Variants in ZNF559 observed in about 807,000 individuals in gnomAD.
The protein encoded by ZNF559 is zinc finger protein 559.
A neutral mutation model predicts 14.2 loss-of-function variants in ZNF559; 17 were observed. That is an observed-to-expected ratio of 1.20 (90% CI 0.82 to 1.80). The LOEUF is 1.80. ZNF559 is among the 40% of genes most tolerant of loss of function. ZNF559 has a pLI of 0.00. For missense variants in ZNF559, 740 were observed against 629.7 expected (o/e 1.18, Z -1.88); for synonymous variants, 244 against 212.4 (o/e 1.15, Z -1.29).
intron 2 of ZNF559, among the ~76,000 whole-genome samples, chr19:9,329,439 C>T (rs1355414179): frequency 6.6e-6 from 1 of 152,100 alleles, no homozygotes. Context: ...TGTATATGTA[C>T]TTAAAACTTC....
Position 9,342,208 on chromosome 19 carries a change from T to A in ZNF559, c.757T>A (p.Ser253Thr), listed in dbSNP as rs1201217017. 1 of 1,595,890 alleles carries A rather than the reference T, an allele frequency of 6.3e-7. No homozygotes were observed. Among genetic ancestry groups the A allele is most frequent in the Non-Finnish European group, 8.5e-7 (1 of 1,174,198 alleles). The change falls in exon 7 of 7, where the codon TCG becomes ACG. Residue 253 changes from serine to threonine, a missense_variant. By Grantham distance (58) the Ser-to-Thr change is moderately conservative. Coordinates refer to ENST00000603380, the MANE Select transcript of ZNF559 (RefSeq NM_032497.3). ...CKACGKPFTE[S>T]SYLTQHLRTH... ...AGCATGTGGGAAACCCTTCACTGAG[T>A]CGTCATATCTTACTCAACATTTAAG...
intron 2 of ZNF559, among the ~76,000 whole-genome samples, chr19:9,325,997 A>G (rs1424775647): frequency 2.0e-5 from 3 of 152,038 alleles, no homozygotes; most frequent in Admixed American, 2.0e-4. Flanking sequence ...AAATCAAATC[A>G]GATTTCCCCA....
intron 2 of ZNF559, among the ~76,000 whole-genome samples, chr19:9,325,010 T>G (rs542514809): frequency 6.6e-6 from 1 of 152,210 alleles, no homozygotes; most frequent in Non-Finnish European, 1.5e-5. Context: ...TCTAGCGCCC[T>G]GTAGATTCCC....
At chr19:9,329,897 T>A (rs1486599398) in intron 2 of ZNF559, among the ~76,000 whole-genome samples, 1 of 152,146 alleles carries the variant, frequency 6.6e-6, no homozygotes, top group Non-Finnish European at 1.5e-5. Flanking sequence ...CTCCTAACCT[T>A]GGCATCTCCC....
At chr19:9,340,552 TTC>T (rs776761815) in intron 5 of ZNF559, among the ~76,000 whole-genome samples, 1 of 146,692 alleles carries the variant, frequency 6.8e-6, no homozygotes, top group Non-Finnish European at 1.5e-5. Context: ...TTTCTTTTTT[TTC>T]TCTCTCTGTC....
chr19:9,343,460 A>G lies in ZNF559; in HGVS notation c.*392A>G. The G allele has an allele frequency of 9.6e-7, 1 of 1,037,918 alleles. No individual in the cohort carries two copies. Among genetic ancestry groups the G allele is most frequent in the South Asian group, 3.6e-5 (1 of 27,402 alleles). The allele number at this position is 1,037,918 out of a possible 1,614,324, so 64.3% of individuals were successfully genotyped here. On this transcript the variant is annotated 3_prime_UTR_variant, in exon 7 of 7. Coordinates refer to ENST00000603380, the MANE Select transcript of ZNF559 (RefSeq NM_032497.3). ...TTGTGAGCACATTGGATATAAATGC[A>G]CGTCCTCTGGCTGTAAGGAATGTGT...
intron 2 of ZNF559, among the ~76,000 whole-genome samples, chr19:9,329,696 C>T (rs2066832515): frequency 6.6e-6 from 1 of 152,184 alleles, no homozygotes; most frequent in Non-Finnish European, 1.5e-5. Flanking sequence ...CAGAGTCTCA[C>T]TCTGTTGCCC....
intron 6 of ZNF559, 166 bp downstream of exon 6, chr19:9,341,350 ACT>A (rs55837495): frequency 0.55 from 423,679 of 769,426 alleles, 118,734 homozygotes; most frequent in Middle Eastern, 0.62. Flanking sequence ...TTTGACAAAC[ACT>A]CTAAACATCC....
chr19:9,339,219 T>G lies in ZNF559; in HGVS notation c.60T>G (p.Ala20=). Residue 20 remains alanine, a synonymous_variant, in exon 5 of 7, where the codon GCT becomes GCG. Coordinates refer to ENST00000603380, the MANE Select transcript of ZNF559 (RefSeq NM_032497.3). The part of the protein sequence containing the change: ...SQDSVTFEDV[A]VDFTQEEWTL... ...ACTCAGTGACCTTTGAGGATGTGGC[T>G]GTGGACTTCACCCAGGAGGAGTGGA... 1.9e-6 allele frequency: 3 copies of G among 1,614,026 alleles called. No homozygotes were observed. Among genetic ancestry groups the G allele is most frequent in the East Asian group, 2.2e-5 (1 of 44,862 alleles).
Position 9,324,690 on chromosome 19 carries a change from A to G in ZNF559, c.-205-5A>G, listed in dbSNP as rs1425144576. ...ACATCCAGCGTTGTGCCTTTTCTCT[A>G]TAAGGAACAGCATCTCTGCCTTCCT... On this transcript the variant is annotated splice_region_variant and splice_polypyrimidine_tract_variant and intron_variant, in intron 1 of 6. Coordinates refer to ENST00000603380, the MANE Select transcript of ZNF559 (RefSeq NM_032497.3). The G allele has an allele frequency of 2.0e-6, 3 of 1,525,146 alleles. No individual in the cohort carries two copies. Among genetic ancestry groups the G allele is most frequent in the African/African-American group, 1.4e-5 (1 of 70,064 alleles). The allele number at this position is 1,525,146 out of a possible 1,614,324, so 94.5% of individuals were successfully genotyped here. A position where few individuals can be genotyped will look rare whatever the true frequency, so the allele number is the denominator to read the frequency against.
At position 9,345,208 on chromosome 19, in the gene ZNF559, C is replaced by G. The variant is rs2067703053; in HGVS notation, c.*2140C>G. 6.6e-6 allele frequency: 1 copy of G among 152,188 alleles called. No homozygotes were observed. The highest frequency in any genetic ancestry group is 1.5e-5 in the Non-Finnish European group (1 of 68,040). The allele number at this position is 152,188 out of a possible 1,614,324, so 9.4% of individuals were successfully genotyped here. ...ATTCCATTGCAAGGCATACCACAAGCTATTTATCCATGTGTTATTTCTACC... is the reference window on the plus strand; with the variant it reads ...ATTCCATTGCAAGGCATACCACAAGGTATTTATCCATGTGTTATTTCTACC... On this transcript the variant is annotated 3_prime_UTR_variant, in exon 7 of 7. Coordinates refer to ENST00000603380, the MANE Select transcript of ZNF559 (RefSeq NM_032497.3).
chr19:9,338,211 G>C (rs571258678), intron 3 of ZNF559, among the ~76,000 whole-genome samples: 3 of 152,344 alleles, frequency 2.0e-5, no homozygotes, highest in African/African-American at 4.8e-5. Flanking sequence ...TTTTGTGGAA[G>C]AAGTTCTGCT....
At position 9,343,375 on chromosome 19, in the gene ZNF559, A is replaced by G. The variant is rs2067662838; in HGVS notation, c.*307A>G. On this transcript the variant is annotated 3_prime_UTR_variant, in exon 7 of 7. Transcript: ENST00000603380. ...CTGTTTGAACTCATGCTGGAGAGAA[A>G]TGCTATGAATGTGAGGAAGGTGGAA... is the stretch of plus-strand genomic sequence containing the variant. 8.9e-7 allele frequency: 1 copy of G among 1,128,092 alleles called. No homozygotes were observed. The highest frequency in any genetic ancestry group is 1.1e-6 in the Non-Finnish European group (1 of 918,612). 69.9% of individuals were successfully genotyped at this position (1,128,092 alleles called of 1,614,324 possible).
chr19:9,333,851 G>A (rs1435702246), intron 2 of ZNF559, among the ~76,000 whole-genome samples: 2 of 152,066 alleles, frequency 1.3e-5, no homozygotes, highest in Non-Finnish European at 2.9e-5. Context: ...GCTTGAGCAG[G>A]CTCTTCGCAA....
chr19:9,324,791 C>A lies in ZNF559; in HGVS notation c.-120+11C>A, dbSNP rs1286456280. On this transcript the variant is annotated intron_variant, in intron 2 of 6. Coordinates refer to ENST00000603380, the MANE Select transcript of ZNF559 (RefSeq NM_032497.3). ...TTCTGTCGTGTCCCGGTGAGCACTT[C>A]ATGCACTTGTTCTGGCTGTGGGTGT... 2 of 1,535,272 alleles carry A rather than the reference C, an allele frequency of 1.3e-6. No homozygotes were observed. The highest frequency in any genetic ancestry group is 1.7e-6 in the Non-Finnish European group (2 of 1,146,302).
Position 9,327,241 on chromosome 19 carries a change from G to GTT in ZNF559, c.-120+2469_-120+2470dup, listed in dbSNP as rs56108753. 1.1e-3 allele frequency among the ~76,000 whole-genome samples: 170 copies of GTT among 150,352 alleles called. 1 individual carries two copies. The highest frequency in any genetic ancestry group is 4.6e-3 in the South Asian group (22 of 4,760). ...GGTTTTTTTGGTTTTGTTTTGTTTT[G>GTT]TTTTTTTTTGTTTTTGTTTTTGTTT... On this transcript the variant is annotated intron_variant, in intron 2 of 6. Transcript: ENST00000603380.
In ZNF559 at chr19:9,341,678, T is replaced by G; in HGVS notation, c.244-17T>G. ...TTTGGAAAACTTCTATGAACCATCA[T>G]TAATTTTCACCAACAGGAGAGAAAC... On this transcript the variant is annotated splice_polypyrimidine_tract_variant and intron_variant, in intron 6 of 6. Coordinates refer to ENST00000603380, the MANE Select transcript of ZNF559 (RefSeq NM_032497.3). 6.3e-7 allele frequency: 1 copy of G among 1,599,994 alleles called. No homozygotes were observed. The highest frequency in any genetic ancestry group is 8.5e-7 in the Non-Finnish European group (1 of 1,176,198).
intron 2 of ZNF559, among the ~76,000 whole-genome samples, chr19:9,335,888 G>A (rs551736026): frequency 2.1e-4 from 32 of 152,288 alleles, no homozygotes; most frequent in African/African-American, 6.5e-4. Context: ...TCAGATAAAC[G>A]TAATAGTTAA....
Position 9,342,905 on chromosome 19 carries a change from GAACTC to G in ZNF559, c.1456_1460del (p.Thr486HisfsTer3). 1 of 1,614,178 alleles carries G rather than the reference GAACTC, an allele frequency of 6.2e-7. No individual in the cohort carries two copies. The highest frequency in any genetic ancestry group is 1.1e-5 in the South Asian group (1 of 91,078). The stretch of plus-strand genomic sequence containing the variant: ...TCATCAGGCCTTACAGTACACATGA[GAACTC>G]ACACTGGTGAACGGCCCTTTGAATG... On this transcript the variant is annotated frameshift_variant, in exon 7 of 7. Transcript: ENST00000603380. LOFTEE classifies it low-confidence loss of function (END_TRUNC).
Sources: gnomAD v4.1 joint callset for allele counts (sites outside exome capture counted in the v4.1 genomes callset) on GRCh38, gnomAD v4.1.1 for gene constraint, MANE v1.5 for transcripts, NCBI Gene and HGNC (gene_info 2026-07-23, HGNC 2026-07-21) for gene names.